NYAP2: variants seen among roughly 807,000 people sequenced by gnomAD.
The protein encoded by NYAP2 is neuronal tyrosine-phosphorylated phosphoinositide-3-kinase adapter 2.
A neutral mutation model predicts 50.4 loss-of-function variants in NYAP2; 23 were observed. That is an observed-to-expected ratio of 0.46 (90% CI 0.33 to 0.65). The LOEUF (loss-of-function observed/expected upper bound fraction) is 0.65, where lower values mean the gene tolerates loss of function less well. NYAP2 is among the 30% of genes least tolerant of loss of function. The probability of loss-of-function intolerance (pLI) is 0.02; values close to 1 mark genes in which losing one functional copy is unlikely to be tolerated. For synonymous variants in NYAP2, 394 were observed against 365.2 expected, an observed-to-expected ratio of 1.08 and a Z score of -0.90; for missense variants, 885 against 861.0, an observed-to-expected ratio of 1.03 and a Z score of -0.35.
At chr2:225,499,805 G>A (rs1690572911) in intron 3 of NYAP2, among the ~76,000 whole-genome samples, 2 of 152,128 alleles carry the variant, frequency 1.3e-5, no homozygotes, top group Non-Finnish European at 1.5e-5. Context: ...GTGAATTAAA[G>A]ATGAATGAAT....
chr2:225,693,545 T>A, the NYAP2 span, among the ~76,000 whole-genome samples: 1 of 152,016 alleles, frequency 6.6e-6, no homozygotes, highest in African/African-American at 2.4e-5. Context: ...AACAAAAAGT[T>A]ATTTTTCACC....
At chr2:225,462,484 A>T (rs900279380) in intron 3 of NYAP2, among the ~76,000 whole-genome samples, 1 of 152,032 alleles carries the variant, frequency 6.6e-6, no homozygotes, top group African/African-American at 2.4e-5. Flanking sequence ...CCAGACTAGA[A>T]GGCTCCAGTT....
intron 5 of NYAP2, among the ~76,000 whole-genome samples, chr2:225,619,025 G>A (rs929791168): frequency 1.3e-5 from 2 of 152,168 alleles, no homozygotes; most frequent in African/African-American, 4.8e-5. Flanking sequence ...TAGATTAGAC[G>A]ATTGCCAAGT....
chr2:225,436,468 ATG>A (rs757045623), intron 3 of NYAP2, among the ~76,000 whole-genome samples: 2 of 152,068 alleles, frequency 1.3e-5, no homozygotes, highest in African/African-American at 2.4e-5. Context: ...CATTTTCCCC[ATG>A]TGTGTCTCTG....
chr2:225,455,641 G>A (rs1689727759), intron 3 of NYAP2, among the ~76,000 whole-genome samples: 1 of 152,130 alleles, frequency 6.6e-6, no homozygotes, highest in African/African-American at 2.4e-5. Flanking sequence ...TACTCCTATA[G>A]CCTTTTGTTA....
rs577927460 is a variant in NYAP2, at chr2:225,472,142, A to C, written c.222-41229A>C. On this transcript the variant is annotated intron_variant, in intron 3 of 6. Transcript: ENST00000636099. Reference sequence around the variant, plus strand: ...TAGCAAGAGGTAGAGCTGGGATCTGAACCCACCCAACCAGTCCAAAGAATC... The same window carrying C: ...TAGCAAGAGGTAGAGCTGGGATCTGCACCCACCCAACCAGTCCAAAGAATC... Among the ~76,000 whole-genome samples the C allele has an allele frequency of 3.7e-4, 57 of 152,308 alleles. 1 individual carries two copies. In the East Asian group the frequency reaches 0.01, roughly 28 times the overall value.
At chr2:225,596,836 C>T (rs970124981) in intron 5 of NYAP2, among the ~76,000 whole-genome samples, 8 of 152,034 alleles carry the variant, frequency 5.3e-5, no homozygotes, top group Non-Finnish European at 1.0e-4. Context: ...AAGTAACAAG[C>T]AGCAAGATAA....
chr2:225,494,764 G>A (rs1456026391), intron 3 of NYAP2, among the ~76,000 whole-genome samples: 2 of 152,178 alleles, frequency 1.3e-5, no homozygotes, highest in Non-Finnish European at 2.9e-5. Context: ...GATTGCAGTG[G>A]AGAAGGAAAA....
At chr2:225,553,022 G>A (rs981248037) in intron 4 of NYAP2, among the ~76,000 whole-genome samples, 1 of 152,146 alleles carries the variant, frequency 6.6e-6, no homozygotes, top group Non-Finnish European at 1.5e-5. Context: ...CAAGGCTATG[G>A]TACTTTGTTA....
intron 5 of NYAP2, among the ~76,000 whole-genome samples, chr2:225,620,487 GCA>G (rs1309556763): frequency 6.7e-6 from 1 of 148,530 alleles, no homozygotes; most frequent in Non-Finnish European, 1.5e-5. Flanking sequence ...ACGCACGCAC[GCA>G]CACACACGCA....
At chr2:225,446,256 A>C (rs202168147) in intron 3 of NYAP2, among the ~76,000 whole-genome samples, 18,062 of 93,268 alleles carry the variant, frequency 0.19, 1,587 homozygotes, top group Non-Finnish European at 0.26. Context: ...CTATATATAT[A>C]TATATATATA....
intron 3 of NYAP2, among the ~76,000 whole-genome samples, chr2:225,467,259 G>A (rs1689935570): frequency 6.6e-6 from 1 of 152,174 alleles, no homozygotes; most frequent in Non-Finnish European, 1.5e-5. Flanking sequence ...GTGCACATGT[G>A]TGAGCCCTGA....
intron 4 of NYAP2, among the ~76,000 whole-genome samples, chr2:225,545,722 T>C (rs971003393): frequency 6.6e-6 from 1 of 152,260 alleles, no homozygotes; most frequent in South Asian, 2.1e-4. Flanking sequence ...TGAAGTTACA[T>C]TTTTTTCTGG....
chr2:225,570,703 G>A (rs1182529510), intron 4 of NYAP2, among the ~76,000 whole-genome samples: 1 of 152,144 alleles, frequency 6.6e-6, no homozygotes, highest in Non-Finnish European at 1.5e-5. Flanking sequence ...TGAGATTTGG[G>A]TGGGGACATA....
intron 4 of NYAP2, among the ~76,000 whole-genome samples, chr2:225,569,458 C>A (rs1429119965): frequency 6.6e-6 from 1 of 152,004 alleles, no homozygotes; most frequent in Non-Finnish European, 1.5e-5. Flanking sequence ...GTGAGAGAGA[C>A]CTCGAGACTG....
intron 3 of NYAP2, among the ~76,000 whole-genome samples, chr2:225,452,578 C>T (rs913861432): frequency 1.3e-5 from 2 of 152,276 alleles, no homozygotes; most frequent in Non-Finnish European, 2.9e-5. Context: ...ATAGACATTT[C>T]TCACTCCTTT....
At chr2:225,504,737 C>G in intron 3 of NYAP2, among the ~76,000 whole-genome samples, 1 of 152,158 alleles carries the variant, frequency 6.6e-6, no homozygotes, top group East Asian at 1.9e-4. Context: ...AGGCCAGGCA[C>G]GGTGGCTCAT....
intron 6 of NYAP2, among the ~76,000 whole-genome samples, chr2:225,637,244 G>A (rs1486668623): frequency 6.6e-6 from 1 of 152,140 alleles, no homozygotes; most frequent in Non-Finnish European, 1.5e-5. Context: ...TAGGGACTGA[G>A]TATTGATAAG....
At chr2:225,449,595 CTT>C (rs1450643835) in intron 3 of NYAP2, among the ~76,000 whole-genome samples, 3 of 144,464 alleles carry the variant, frequency 2.1e-5, no homozygotes, top group Non-Finnish European at 3.0e-5. Flanking sequence ...CTCTCTCTCT[CTT>C]TCTCTTTTTT....
Sources: gnomAD v4.1 joint callset for allele counts (sites outside exome capture counted in the v4.1 genomes callset) on GRCh38, gnomAD v4.1.1 for gene constraint, MANE v1.5 for transcripts, NCBI Gene and HGNC (gene_info 2026-07-23, HGNC 2026-07-21) for gene names.